Variants in SLC26A11 observed in about 807,000 individuals in gnomAD.
SLC26A11 encodes solute carrier family 26 member 11, also known as sodium-independent sulfate anion transporter.
Under a neutral mutation model 62.2 loss-of-function variants are expected in SLC26A11, and 58 were observed. That is an observed-to-expected ratio of 0.93 (90% CI 0.76 to 1.16). The LOEUF (loss-of-function observed/expected upper bound fraction) is 1.16. SLC26A11 is among the 50% of genes most tolerant of loss of function. The pLI is 0.00. For missense variants in SLC26A11, 790 were observed against 794.3 expected, an observed-to-expected ratio of 0.99 and a Z score of 0.06; for synonymous variants, 411 against 368.9, an observed-to-expected ratio of 1.11 and a Z score of -1.31.
Position 80,221,471 on chromosome 17 carries a change from G to A in SLC26A11, c.-13-77G>A, listed in dbSNP as rs1009306607. The stretch of plus-strand genomic sequence containing the variant: ...CCCATAGTGACCTCTCCTGACACCC[G>A]CCGACCCTGACCAGTGTTGCCGGGT... On this transcript the variant is annotated intron_variant, in intron 2 of 17. Transcript: ENST00000361193. 45 of 1,121,718 alleles carry A rather than the reference G, an allele frequency of 4.0e-5. No homozygotes were observed. In the East Asian group the frequency reaches 6.8e-4, roughly 17 times the overall value. 69.5% of individuals were successfully genotyped at this position (1,121,718 alleles called of 1,614,324 possible). A position where few individuals can be genotyped will look rare whatever the true frequency, so the allele number is the denominator to read the frequency against.
At chr17:80,244,298 G>T (rs184474966) in intron 10 of SLC26A11, among the ~76,000 whole-genome samples, 253 of 152,352 alleles carry the variant, frequency 1.7e-3, no homozygotes, top group African/African-American at 5.8e-3. Flanking sequence ...GTTGTAGGCA[G>T]CCGGCATCAC....
At position 80,222,938 on chromosome 17, in the gene SLC26A11, C is replaced by T. The variant is rs2042264534; in HGVS notation, c.427+91C>T. On this transcript the variant is annotated intron_variant, in intron 4 of 17. Coordinates refer to ENST00000361193, the MANE Select transcript of SLC26A11 (RefSeq NM_001166347.2). This position sits in a 1 kb window ranked among gnomAD's most constrained non-coding sequence, Gnocchi z 4.7. Reference sequence around the variant, plus strand: ...GTCTATCCCCGTGTGCGTGTGTGTGCGTGTTGGGGTGTGGGTATGTATGTG... The same window carrying T: ...GTCTATCCCCGTGTGCGTGTGTGTGTGTGTTGGGGTGTGGGTATGTATGTG... 17 of 1,024,018 alleles carry T rather than the reference C, an allele frequency of 1.7e-5. No individual in the cohort carries two copies. The highest frequency in any genetic ancestry group is 2.8e-4 in the Middle Eastern group (1 of 3,518). 63.4% of individuals were successfully genotyped at this position (1,024,018 alleles called of 1,614,324 possible).
chr17:80,252,561 G>A lies in SLC26A11; in HGVS notation c.1730-64G>A. 1.3e-6 allele frequency: 2 copies of A among 1,520,006 alleles called. No individual in the cohort carries two copies. The highest frequency in any genetic ancestry group is 1.8e-6 in the Non-Finnish European group (2 of 1,103,374). 94.2% of individuals were successfully genotyped at this position (1,520,006 alleles called of 1,614,324 possible). A position where few individuals can be genotyped will look rare whatever the true frequency, so the allele number is the denominator to read the frequency against. On this transcript the variant is annotated intron_variant, in intron 17 of 17. Transcript: ENST00000361193. This position sits in a 1 kb window ranked among gnomAD's most constrained non-coding sequence, Gnocchi z 5.2. ...GGAAGGCCCTCCTTAATCCCTTCCTGTGAACTGACCCATCCTCACTTCTGA... is the reference window on the plus strand; with the variant it reads ...GGAAGGCCCTCCTTAATCCCTTCCTATGAACTGACCCATCCTCACTTCTGA...
intron 7 of SLC26A11, among the ~76,000 whole-genome samples, chr17:80,230,993 T>G (rs2042549854): frequency 6.6e-6 from 1 of 151,896 alleles, no homozygotes. Flanking sequence ...CTGAATGGTC[T>G]GTCTAGAAGT....
chr17:80,252,644 G>A lies in SLC26A11; in HGVS notation c.1749G>A (p.Glu583=), dbSNP rs1326351823. 2 of 1,613,952 alleles carry A rather than the reference G, an allele frequency of 1.2e-6. No individual in the cohort carries two copies. ...LEEAEKHLRQ[E]PGTQPYNIRE... The stretch of plus-strand genomic sequence containing the variant: ...CTGCAGAGAAGCACCTGAGGCAGGA[G>A]CCAGGGACCCAGCCCTACAACATCA... Residue 583 remains glutamate (E), a synonymous_variant, in exon 18 of 18, where the codon GAG becomes GAA. Transcript: ENST00000361193. This position sits in a 1 kb window ranked among gnomAD's most constrained non-coding sequence, Gnocchi z 5.2.
At chr17:80,244,375 G>A (rs1567963543) in intron 10 of SLC26A11, among the ~76,000 whole-genome samples, 2 of 152,232 alleles carry the variant, frequency 1.3e-5, no homozygotes, top group Non-Finnish European at 2.9e-5. Context: ...AGACGGAAAG[G>A]AACTGGGTGG....
intron 11 of SLC26A11, chr17:80,245,490 C>T (rs1263260848): frequency 1.9e-6 from 1 of 523,100 alleles, no homozygotes; most frequent in African/African-American, 1.9e-5. Flanking sequence ...TGTGGTACAC[C>T]CTTGTTATCC....
chr17:80,250,548 C>T (rs1204491658), intron 16 of SLC26A11, among the ~76,000 whole-genome samples: 4 of 152,194 alleles, frequency 2.6e-5, no homozygotes, highest in Non-Finnish European at 5.9e-5. Context: ...TAAAAAAATA[C>T]TCCTCTGACC....
At chr17:80,242,360 G>T (rs2042886744) in intron 10 of SLC26A11, among the ~76,000 whole-genome samples, 1 of 152,200 alleles carries the variant, frequency 6.6e-6, no homozygotes, top group Non-Finnish European at 1.5e-5. Context: ...GACATCTGTT[G>T]TCTGTTCTAC....
At chr17:80,248,711 C>G in intron 15 of SLC26A11, 37 bp downstream of exon 15, 1 of 1,528,452 alleles carries the variant, frequency 6.5e-7, no homozygotes, top group Non-Finnish European at 8.9e-7. Flanking sequence ...TGAGGTCACT[C>G]CCCTGTCCTC....
chr17:80,231,847 T>C (rs958068067), intron 7 of SLC26A11, among the ~76,000 whole-genome samples: 1 of 152,246 alleles, frequency 6.6e-6, no homozygotes, highest in African/African-American at 2.4e-5. Context: ...AGTTGTATTA[T>C]GGCCCTGAAT....
intron 17 of SLC26A11, 36 bp downstream of exon 17, chr17:80,251,437 T>G: frequency 6.2e-7 from 1 of 1,611,928 alleles, no homozygotes; most frequent in Non-Finnish European, 8.5e-7. Flanking sequence ...CTTTGGTGAT[T>G]TTGTAAAAAT....
intron 7 of SLC26A11, among the ~76,000 whole-genome samples, chr17:80,232,109 T>G (rs2144907756): frequency 6.6e-6 from 1 of 152,316 alleles, no homozygotes. Context: ...TGAAGCTCTG[T>G]TTTTTAGTAT....
chr17:80,221,802 G>A lies in SLC26A11; in HGVS notation c.234+8G>A, dbSNP rs1456409491. 1.9e-6 allele frequency: 3 copies of A among 1,604,582 alleles called. No individual in the cohort carries two copies. Among genetic ancestry groups the A allele is most frequent in the South Asian group, 2.2e-5 (2 of 90,842 alleles). On this transcript the variant is annotated splice_region_variant and intron_variant, in intron 3 of 17. Transcript: ENST00000361193. Reference sequence around the variant, plus strand: ...GCTGGACTCCCGCCCCAGGTGAGGCGTCTGACCCTGCTGCCAGCCATATCT... The same window carrying A: ...GCTGGACTCCCGCCCCAGGTGAGGCATCTGACCCTGCTGCCAGCCATATCT...
chr17:80,225,055 A>T (rs2042370280), intron 5 of SLC26A11, among the ~76,000 whole-genome samples: 1 of 151,990 alleles, frequency 6.6e-6, no homozygotes, highest in Non-Finnish European at 1.5e-5. Flanking sequence ...TAAAGAACTA[A>T]AGTGCAAGCT....
intron 13 of SLC26A11, among the ~76,000 whole-genome samples, chr17:80,247,221 A>G (rs2043026145): frequency 6.6e-6 from 1 of 152,146 alleles, no homozygotes; most frequent in Admixed American, 6.5e-5. Context: ...GAACAAAATG[A>G]AAAGTCTCCC....
At chr17:80,248,060 G>A (rs560912027) in intron 13 of SLC26A11, 70 bp from the exon 14 acceptor site, 26 of 1,481,298 alleles carry the variant, frequency 1.8e-5, no homozygotes, top group Non-Finnish European at 2.2e-5. Flanking sequence ...AAGCTGTCCC[G>A]CTGGTCAGCA....
chr17:80,241,356 C>T (rs2042854971), intron 9 of SLC26A11, among the ~76,000 whole-genome samples: 1 of 152,140 alleles, frequency 6.6e-6, no homozygotes, highest in South Asian at 2.1e-4. Flanking sequence ...ACCTCCTAGG[C>T]TCAAACCATC....
chr17:80,249,349 C>A (rs948050248), intron 16 of SLC26A11, 62 bp downstream of exon 16: 5 of 1,585,214 alleles, frequency 3.2e-6, no homozygotes, highest in Non-Finnish European at 4.3e-6. Flanking sequence ...CTGTGCCTGC[C>A]TCCCATGGCG....
Sources: gnomAD v4.1 joint callset for allele counts (sites outside exome capture counted in the v4.1 genomes callset) on GRCh38, gnomAD v4.1.1 for gene constraint, Gnocchi (gnomAD v3.1) non-coding constraint, MANE v1.5 for transcripts, NCBI Gene and HGNC (gene_info 2026-07-23, HGNC 2026-07-21) for gene names.